Variants in CNTN5 observed in about 807,000 individuals in gnomAD.
CNTN5 encodes the protein contactin-5.
CNTN5 carries 77 observed loss-of-function variants against 129.1 expected under a neutral mutation model. The observed-to-expected ratio is 0.60, with a 90% CI of 0.50 to 0.72. The LOEUF (loss-of-function observed/expected upper bound fraction) is 0.72. Among genes scored for constraint, CNTN5 ranks in the 30% least tolerant of loss-of-function variants. The pLI, the probability that CNTN5 is intolerant of heterozygous loss-of-function variation, is 0.00. For missense variants in CNTN5, 1,478 were observed against 1,328.8 expected (o/e 1.11, Z -1.75); for synonymous variants, 509 against 465.6 (o/e 1.09, Z -1.20).
At chr11:100,045,435 G>T (rs1411064290) in intron 9 of CNTN5, among the ~76,000 whole-genome samples, 3 of 151,200 alleles carry the variant, frequency 2.0e-5, no homozygotes, top group African/African-American at 7.3e-5. Context: ...AGAGATAGAA[G>T]AAAAAAAGGG....
intron 13 of CNTN5, among the ~76,000 whole-genome samples, chr11:100,140,202 T>G (rs1169429052): frequency 6.6e-6 from 1 of 152,216 alleles, no homozygotes; most frequent in Non-Finnish European, 1.5e-5. Flanking sequence ...ATTAGGAGCT[T>G]ACTTGAGTTA....
chr11:100,156,833 C>A (rs993597078), intron 13 of CNTN5, among the ~76,000 whole-genome samples: 2 of 151,750 alleles, frequency 1.3e-5, no homozygotes, highest in Admixed American at 6.6e-5. Context: ...CTGTGGGATC[C>A]GTGGTGATAT....
chr11:99,945,197 TA>T (rs1413797185), intron 7 of CNTN5, among the ~76,000 whole-genome samples: 1 of 152,026 alleles, frequency 6.6e-6, no homozygotes, highest in African/African-American at 2.4e-5. Context: ...GTGACCTGTA[TA>T]AAGAGTAAAA....
At chr11:99,498,246 G>T (rs1053648121) in intron 2 of CNTN5, among the ~76,000 whole-genome samples, 25 of 152,054 alleles carry the variant, frequency 1.6e-4, no homozygotes, top group African/African-American at 5.6e-4. Flanking sequence ...TGTAATAAAT[G>T]TACTGCATTT....
intron 1 of CNTN5, among the ~76,000 whole-genome samples, chr11:99,170,044 G>A (rs1381428639): frequency 6.6e-6 from 1 of 151,904 alleles, no homozygotes; most frequent in Non-Finnish European, 1.5e-5. Flanking sequence ...CTAATATTGT[G>A]TATCAGTTTT....
chr11:99,816,244 A>G (rs1010971326), intron 3 of CNTN5, among the ~76,000 whole-genome samples: 1 of 152,090 alleles, frequency 6.6e-6, no homozygotes, highest in African/African-American at 2.4e-5. Flanking sequence ...AAAAATGCTA[A>G]TGTTGGTCAA....
intron 3 of CNTN5, among the ~76,000 whole-genome samples, chr11:99,777,938 G>C (rs867963982): frequency 6.6e-6 from 1 of 151,840 alleles, no homozygotes. Flanking sequence ...AACACAGGAA[G>C]AAGAAATGGT....
At chr11:99,773,841 TC>T (rs1200564986) in intron 3 of CNTN5, among the ~76,000 whole-genome samples, 1 of 152,092 alleles carries the variant, frequency 6.6e-6, no homozygotes, top group Non-Finnish European at 1.5e-5. Context: ...CGTGAGATGA[TC>T]CCTGTCTTCC....
chr11:99,117,689 A>T (rs927202983), intron 1 of CNTN5, among the ~76,000 whole-genome samples: 1 of 152,106 alleles, frequency 6.6e-6, no homozygotes, highest in African/African-American at 2.4e-5. Flanking sequence ...TTTAGATGAC[A>T]TTCATGAGGG....
At chr11:99,950,964 G>A (rs1260000085) in intron 7 of CNTN5, among the ~76,000 whole-genome samples, 1 of 152,112 alleles carries the variant, frequency 6.6e-6, no homozygotes, top group African/African-American at 2.4e-5. Flanking sequence ...TTGAGCCTCA[G>A]ACCTTTGATG....
chr11:100,281,564 A>G (rs1183500508), intron 18 of CNTN5, among the ~76,000 whole-genome samples: 2 of 151,958 alleles, frequency 1.3e-5, no homozygotes, highest in African/African-American at 4.8e-5. Flanking sequence ...GTCTTGAGGC[A>G]TTGTTCTTTG....
intron 1 of CNTN5, among the ~76,000 whole-genome samples, chr11:99,167,595 C>T: frequency 6.6e-6 from 1 of 151,972 alleles, no homozygotes; most frequent in East Asian, 1.9e-4. Context: ...TGAGGCAAAA[C>T]CAAAATTAGA....
At chr11:99,415,698 C>A (rs188009845) in intron 2 of CNTN5, among the ~76,000 whole-genome samples, 6 of 152,236 alleles carry the variant, frequency 3.9e-5, no homozygotes, top group Admixed American at 2.6e-4. Context: ...GCTTCTGAGG[C>A]CTTCACTTTG....
intron 3 of CNTN5, among the ~76,000 whole-genome samples, chr11:99,683,486 T>C (rs1953649790): frequency 6.6e-6 from 1 of 151,944 alleles, no homozygotes; most frequent in African/African-American, 2.4e-5. Context: ...TTTTGTTCCA[T>C]TGGTTTATTT....
intron 1 of CNTN5, among the ~76,000 whole-genome samples, chr11:99,207,855 A>G (rs1859561783): frequency 6.6e-6 from 1 of 152,192 alleles, no homozygotes; most frequent in Non-Finnish European, 1.5e-5. Flanking sequence ...TGAAATGCAT[A>G]TAAAAGTTGC....
intron 2 of CNTN5, among the ~76,000 whole-genome samples, chr11:99,539,631 T>C (rs900899436): frequency 1.3e-5 from 2 of 152,088 alleles, no homozygotes; most frequent in Non-Finnish European, 2.9e-5. Context: ...AGTGTCAGAA[T>C]AGTTAAAAGT....
chr11:99,647,114 T>C (rs1300810965), intron 3 of CNTN5, among the ~76,000 whole-genome samples: 3 of 152,138 alleles, frequency 2.0e-5, no homozygotes, highest in African/African-American at 7.2e-5. Context: ...ACAGATCAGT[T>C]TCCTGAAGCA....
intron 3 of CNTN5, among the ~76,000 whole-genome samples, chr11:99,642,415 G>A (rs2135847096): frequency 6.6e-6 from 1 of 152,198 alleles, no homozygotes; most frequent in East Asian, 1.9e-4. Flanking sequence ...CACTCCATAT[G>A]TGCGAAATGC....
At chr11:99,563,460 T>C (rs1249487165) in intron 3 of CNTN5, among the ~76,000 whole-genome samples, 2 of 152,246 alleles carry the variant, frequency 1.3e-5, no homozygotes, top group African/African-American at 2.4e-5. Context: ...AAACTGTTTA[T>C]GGAAATTCAA....
Sources: gnomAD v4.1 joint callset for allele counts (sites outside exome capture counted in the v4.1 genomes callset) on GRCh38, gnomAD v4.1.1 for gene constraint, MANE v1.5 for transcripts, NCBI Gene and HGNC (gene_info 2026-07-23, HGNC 2026-07-21) for gene names.